NRXN3: variants seen among roughly 807,000 people sequenced by gnomAD.
NRXN3 encodes neurexin III.
In NRXN3, 32 loss-of-function variants were observed where a neutral mutation model predicts 137.6. That is an observed-to-expected ratio of 0.23 (90% confidence interval 0.18 to 0.31). The LOEUF (loss-of-function observed/expected upper bound fraction) is 0.31, where lower values mean the gene tolerates loss of function less well. NRXN3 is among the 10% of genes least tolerant of loss of function. NRXN3 has a pLI of 1.00. For synonymous variants in NRXN3, 798 were observed against 784.5 expected, an observed-to-expected ratio of 1.02 and a Z score of -0.29; for missense variants, 1,574 against 2,062.5, an observed-to-expected ratio of 0.76 and a Z score of 4.59.
chr14:78,542,894 G>C lies in NRXN3; in HGVS notation c.758-102226G>C, dbSNP rs2096604581. ...CTGTTGGAGTGCTTGAGTTGGTAGG[G>C]GCTATGGGAATGTCATCTGACTGAT... On this transcript the variant is annotated intron_variant, in intron 4 of 20. Transcript: ENST00000335750. Among the ~76,000 whole-genome samples, 4 of 152,118 alleles carry C rather than the reference G, an allele frequency of 2.6e-5. No homozygotes were observed. In the South Asian group the frequency reaches 8.3e-4, roughly 32 times the overall value.
At chr14:78,426,339 A>AC (rs982270404) in intron 4 of NRXN3, among the ~76,000 whole-genome samples, 13 of 152,016 alleles carry the variant, frequency 8.6e-5, no homozygotes, top group African/African-American at 3.1e-4. Flanking sequence ...TTCATCTAAC[A>AC]CCTTGACAGT....
At chr14:78,445,967 G>A (rs563453131) in intron 4 of NRXN3, among the ~76,000 whole-genome samples, 9 of 152,192 alleles carry the variant, frequency 5.9e-5, no homozygotes, top group South Asian at 2.1e-4. Context: ...AAAGCTTCCC[G>A]GCAAAGTGTG....
At chr14:78,542,276 T>TA (rs2096597416) in intron 4 of NRXN3, among the ~76,000 whole-genome samples, 1 of 152,152 alleles carries the variant, frequency 6.6e-6, no homozygotes, top group Admixed American at 6.5e-5. Flanking sequence ...GCCCTGCCCA[T>TA]AGCTGATGTG....
chr14:79,445,931 T>C (rs958768625), intron 15 of NRXN3, among the ~76,000 whole-genome samples: 7 of 152,290 alleles, frequency 4.6e-5, no homozygotes, highest in African/African-American at 1.7e-4. Context: ...CAGTATGTGA[T>C]GACAGGTAAT....
chr14:78,746,491 A>C (rs1182631812), intron 8 of NRXN3, among the ~76,000 whole-genome samples: 6 of 152,302 alleles, frequency 3.9e-5, no homozygotes, highest in Non-Finnish European at 8.8e-5. Flanking sequence ...AGATTTAGGA[A>C]GATAACACTG....
chr14:79,487,415 T>C (rs1436330897), intron 16 of NRXN3, among the ~76,000 whole-genome samples: 1 of 152,050 alleles, frequency 6.6e-6, no homozygotes, highest in Non-Finnish European at 1.5e-5. Context: ...CCGAGGCCCA[T>C]GTTTAGGGCC....
intron 15 of NRXN3, among the ~76,000 whole-genome samples, chr14:79,002,844 C>T (rs115165865): frequency 0.012 from 1,791 of 152,208 alleles, 29 homozygotes; most frequent in African/African-American, 0.042. Flanking sequence ...ACAGTGTAAA[C>T]GTGTTCCTGT....
chr14:79,702,914 G>C (rs958584672), intron 19 of NRXN3, among the ~76,000 whole-genome samples: 3 of 65,890 alleles, frequency 4.6e-5, no homozygotes, highest in African/African-American at 1.8e-4. Context: ...TCTCCATCCT[G>C]AGTTATCAGC....
At chr14:78,334,845 T>G (rs957380144) in intron 4 of NRXN3, among the ~76,000 whole-genome samples, 1 of 152,160 alleles carries the variant, frequency 6.6e-6, no homozygotes. Flanking sequence ...GCTGCCTTTT[T>G]AATGATTCTG....
intron 5 of NRXN3, chr14:78,649,262 G>A (rs548661691): frequency 2.5e-5 from 34 of 1,341,462 alleles, no homozygotes; most frequent in South Asian, 1.1e-4. Context: ...CCCCTTCTCC[G>A]CAAAGCACTC....
intron 10 of NRXN3, among the ~76,000 whole-genome samples, chr14:78,930,582 C>T (rs147390455): frequency 5.5e-4 from 84 of 152,292 alleles, no homozygotes; most frequent in Middle Eastern, 3.4e-3. Flanking sequence ...GCAAATAATT[C>T]ACTTAAGCTA....
At chr14:79,823,661 T>C (rs1048757926) in intron 20 of NRXN3, among the ~76,000 whole-genome samples, 6 of 152,178 alleles carry the variant, frequency 3.9e-5, no homozygotes, top group African/African-American at 7.2e-5. Context: ...TGTTATTTCT[T>C]AAAATATAGA....
chr14:78,852,060 G>A (rs897188363), intron 10 of NRXN3, among the ~76,000 whole-genome samples: 1 of 152,112 alleles, frequency 6.6e-6, no homozygotes, highest in African/African-American at 2.4e-5. Context: ...GGCAGCCATA[G>A]TAATTTTACT....
intron 19 of NRXN3, among the ~76,000 whole-genome samples, chr14:79,710,350 T>A (rs1325449125): frequency 1.3e-5 from 2 of 151,564 alleles, no homozygotes; most frequent in East Asian, 1.9e-4. Context: ...AGGGCTACTT[T>A]AAAAAAAAAT....
At chr14:79,173,329 A>T (rs1342298355) in intron 15 of NRXN3, among the ~76,000 whole-genome samples, 1 of 152,002 alleles carries the variant, frequency 6.6e-6, no homozygotes, top group African/African-American at 2.4e-5. Context: ...CAGGAGTTGG[A>T]GACCAGCCTG....
At chr14:79,181,752 G>A (rs1005083054) in intron 15 of NRXN3, among the ~76,000 whole-genome samples, 2 of 150,750 alleles carry the variant, frequency 1.3e-5, no homozygotes, top group South Asian at 4.2e-4. Context: ...CTCAGAAAAT[G>A]TGCACAGGGT....
intron 16 of NRXN3, among the ~76,000 whole-genome samples, chr14:79,495,686 G>A (rs964922658): frequency 6.6e-6 from 1 of 152,056 alleles, no homozygotes; most frequent in Non-Finnish European, 1.5e-5. Context: ...TAAGAAAACT[G>A]AAATACACAA....
chr14:79,504,574 C>T (rs1310210155), intron 16 of NRXN3, among the ~76,000 whole-genome samples: 1 of 146,866 alleles, frequency 6.8e-6, no homozygotes, highest in African/African-American at 2.5e-5. Flanking sequence ...CCTGATTTTG[C>T]CCTTTTTATA....
At chr14:79,756,283 C>T (rs2099019253) in intron 19 of NRXN3, among the ~76,000 whole-genome samples, 1 of 152,136 alleles carries the variant, frequency 6.6e-6, no homozygotes, top group Non-Finnish European at 1.5e-5. Flanking sequence ...ATACACTTTC[C>T]TTCTTCCTCT....
Sources: allele counts gnomAD v4.1 joint callset (sites outside exome capture counted in the v4.1 genomes callset), GRCh38; gene constraint gnomAD v4.1.1; transcripts MANE v1.5; gene names NCBI Gene and HGNC (gene_info 2026-07-23, HGNC 2026-07-21).